DHRS7B: variants seen among roughly 807,000 people sequenced by gnomAD.
DHRS7B encodes the protein peroxisomal reductase activating PPAR-gamma.
In DHRS7B, 24 loss-of-function variants were observed where a neutral mutation model predicts 26.4. The ratio of observed to expected loss-of-function variants is 0.91; its 90% confidence interval spans 0.66 to 1.28. The LOEUF is 1.28. Among genes scored for constraint, DHRS7B ranks in the 50% most tolerant of loss-of-function variants. DHRS7B has a pLI of 0.00. For synonymous variants in DHRS7B, 142 were observed against 166.4 expected (o/e 0.85, Z 1.13); for missense variants, 368 against 419.4 (o/e 0.88, Z 1.07).
At chr17:21,151,355 TA>T (rs956699512) in intron 1 of DHRS7B, among the ~76,000 whole-genome samples, 8 of 150,506 alleles carry the variant, frequency 5.3e-5, no homozygotes, top group African/African-American at 1.7e-4. Flanking sequence ...AATAAAAAAT[TA>T]AAAAAAAATT....
chr17:21,178,251 A>G lies in DHRS7B; in HGVS notation c.218A>G (p.Tyr73Cys), dbSNP rs377203212. The change falls in exon 3 of 7, where the codon TAT becomes TGT. Residue 73 changes from tyrosine (Y) to cysteine (C), a missense_variant. Coordinates refer to ENST00000395511, the MANE Select transcript of DHRS7B (RefSeq NM_015510.5). ...CCCTTAGAATGTGCAAAAGTCTTCT[A>G]TGCTGCGGGTGCTAAACTGGTGCTC... ...GLGKECAKVFYAAGAKLVLCG... is the reference protein window; with the variant it reads ...GLGKECAKVFCAAGAKLVLCG... 13 of 1,614,122 alleles carry G rather than the reference A, an allele frequency of 8.1e-6. No homozygotes were observed. The highest frequency in any genetic ancestry group is 6.7e-5 in the African/African-American group (5 of 74,950).
chr17:21,182,455 G>T lies in DHRS7B; in HGVS notation c.310-1139G>T. 1.3e-5 allele frequency among the ~76,000 whole-genome samples: 2 copies of T among 152,132 alleles called. 1 individual carries two copies. Among genetic ancestry groups the T allele is most frequent in the East Asian group, 3.9e-4 (2 of 5,186 alleles). On this transcript the variant is annotated intron_variant, in intron 3 of 6. Coordinates refer to ENST00000395511, the MANE Select transcript of DHRS7B (RefSeq NM_015510.5). ...TAGAGACGGGGGTTTCTCCATGTTAGTCAGGCTAGTCTTGAACTCCCGACC... is the reference window on the plus strand; with the variant it reads ...TAGAGACGGGGGTTTCTCCATGTTATTCAGGCTAGTCTTGAACTCCCGACC...
At chr17:21,157,822 G>A (rs1004012850) in intron 1 of DHRS7B, among the ~76,000 whole-genome samples, 2 of 152,120 alleles carry the variant, frequency 1.3e-5, no homozygotes, top group African/African-American at 4.8e-5. Context: ...GCACACTACT[G>A]TAGTGCCAGC....
chr17:21,166,626 A>ACTCCTCTCT (rs1974120658), intron 1 of DHRS7B, among the ~76,000 whole-genome samples: 1 of 152,182 alleles, frequency 6.6e-6, no homozygotes, highest in Non-Finnish European at 1.5e-5. Context: ...ATGGGTCATA[A>ACTCCTCTCT]GCATGACCCA....
intron 1 of DHRS7B, among the ~76,000 whole-genome samples, chr17:21,154,150 T>C (rs1597740157): frequency 6.6e-6 from 1 of 151,686 alleles, no homozygotes; most frequent in Non-Finnish European, 1.5e-5. Flanking sequence ...TCTCTACTAA[T>C]AATACAAAAA....
At chr17:21,159,719 T>G (rs951566317) in intron 1 of DHRS7B, among the ~76,000 whole-genome samples, 1 of 150,974 alleles carries the variant, frequency 6.6e-6, no homozygotes, top group African/African-American at 2.4e-5. Context: ...AAAAATTTTT[T>G]TAAAGTTAGC....
intron 1 of DHRS7B, among the ~76,000 whole-genome samples, chr17:21,161,274 T>C (rs1219802517): frequency 6.6e-6 from 1 of 152,066 alleles, no homozygotes; most frequent in East Asian, 1.9e-4. Context: ...ATGTGGATAA[T>C]GGGGGAGGCT....
intron 1 of DHRS7B, among the ~76,000 whole-genome samples, chr17:21,141,872 C>T (rs1422491808): frequency 6.6e-6 from 1 of 152,140 alleles, no homozygotes; most frequent in African/African-American, 2.4e-5. Flanking sequence ...ATAAAGGTAG[C>T]TGATGCTGGT....
At chr17:21,132,557 A>G (rs1973262469) in intron 1 of DHRS7B, among the ~76,000 whole-genome samples, 1 of 150,410 alleles carries the variant, frequency 6.6e-6, no homozygotes, top group South Asian at 2.1e-4. Context: ...AAACAAAAAA[A>G]AAACAGGGAA....
intron 2 of DHRS7B, among the ~76,000 whole-genome samples, chr17:21,177,081 C>T (rs148359254): frequency 2.0e-5 from 3 of 152,260 alleles, no homozygotes; most frequent in African/African-American, 7.2e-5. Flanking sequence ...GGGGGTTTCT[C>T]GTCAGGCCCT....
intron 1 of DHRS7B, chr17:21,128,330 G>A (rs1002739949): frequency 6.6e-6 from 1 of 152,216 alleles, no homozygotes; most frequent in African/African-American, 2.4e-5. Context: ...AGGAGGCTGA[G>A]GCGGGCGGAT....
At chr17:21,165,916 C>CAAAA (rs11346854) in intron 1 of DHRS7B, among the ~76,000 whole-genome samples, 5 of 119,448 alleles carry the variant, frequency 4.2e-5, no homozygotes, top group South Asian at 2.7e-4. Context: ...ACTCCGTCTC[C>CAAAA]AAAAAAAAAA....
chr17:21,141,683 C>A (rs907956789), intron 1 of DHRS7B, among the ~76,000 whole-genome samples: 2 of 145,322 alleles, frequency 1.4e-5, no homozygotes, highest in Admixed American at 1.4e-4. Context: ...TACTGCCTTC[C>A]ATCATTATGG....
rs776219075 is a variant in DHRS7B at position 21,188,748 on chromosome 17, C to T, written c.657C>T (p.Asp219=). The stretch of plus-strand genomic sequence containing the variant: ...AGCACGCAACCCAGGCTTTCTTTGA[C>T]TGTCTGCGTGCCGAGATGGAACAGT... ...ASKHATQAFF[D]CLRAEMEQYE... Residue 219 remains aspartate (D), a synonymous_variant, in exon 6 of 7, where the codon GAC becomes GAT. Coordinates refer to ENST00000395511, the MANE Select transcript of DHRS7B (RefSeq NM_015510.5). The T allele has an allele frequency of 2.5e-6, 4 of 1,611,464 alleles. No individual in the cohort carries two copies. The highest frequency in any genetic ancestry group is 3.4e-6 in the Non-Finnish European group (4 of 1,178,862).
chr17:21,184,804 G>T (rs1277137494), intron 5 of DHRS7B, among the ~76,000 whole-genome samples: 1 of 152,188 alleles, frequency 6.6e-6, no homozygotes, highest in Non-Finnish European at 1.5e-5. Flanking sequence ...CACTCCTACT[G>T]TTAAGATTTT....
rs1318047586 is a variant in DHRS7B at position 21,188,862 on chromosome 17, A to G, written c.771A>G (p.Gly257=). 1.9e-6 allele frequency: 3 copies of G among 1,614,140 alleles called. No individual in the cohort carries two copies. In the East Asian group the frequency reaches 6.7e-5, roughly 36 times the overall value. The part of the protein sequence containing the change: ...NAITADGSRY[G]VMDTTTAQGR... ...TCACCGCGGATGGATCTAGGTATGG[A>G]GGTGAGGCCCGGTTTCTCTTTTCTC... Residue 257 remains glycine (G), a splice_region_variant and synonymous_variant, in exon 6 of 7, where the codon GGA becomes GGG. Coordinates refer to ENST00000395511, the MANE Select transcript of DHRS7B (RefSeq NM_015510.5).
At chr17:21,178,067 G>C (rs185998704) in intron 2 of DHRS7B, among the ~76,000 whole-genome samples, 166 bp from the exon 3 acceptor site, 6 of 152,388 alleles carry the variant, frequency 3.9e-5, no homozygotes, top group Admixed American at 2.6e-4. Flanking sequence ...AGCACTGGGC[G>C]TGAGCCCGGC....
intron 1 of DHRS7B, among the ~76,000 whole-genome samples, chr17:21,138,582 A>G (rs1973419759): frequency 6.6e-6 from 1 of 152,066 alleles, no homozygotes; most frequent in Non-Finnish European, 1.5e-5. Context: ...ACCATACAAT[A>G]TTCTTTCTCG....
At chr17:21,148,724 C>T (rs919400627) in intron 1 of DHRS7B, among the ~76,000 whole-genome samples, 5 of 151,758 alleles carry the variant, frequency 3.3e-5, no homozygotes, top group South Asian at 2.1e-4. Flanking sequence ...CCAGCCTAGG[C>T]GACAGAGCGA....
Sources: allele counts gnomAD v4.1 joint callset (sites outside exome capture counted in the v4.1 genomes callset), GRCh38; gene constraint gnomAD v4.1.1; transcripts MANE v1.5; gene names NCBI Gene and HGNC (gene_info 2026-07-23, HGNC 2026-07-21).